Variants in CREB3L2 observed in about 807,000 individuals in gnomAD.
The protein encoded by CREB3L2 is cyclic AMP-responsive element-binding protein 3-like protein 2.
CREB3L2 carries 23 observed loss-of-function variants against 57.2 expected under a neutral mutation model. The ratio of observed to expected loss-of-function variants is 0.40; its 90% CI spans 0.29 to 0.57. The LOEUF is 0.57. Ranked by LOEUF, CREB3L2 falls within the 20% of genes least tolerant of loss-of-function variation. The pLI, the probability that CREB3L2 is intolerant of heterozygous loss-of-function variation, is 0.42. For missense variants in CREB3L2, 628 were observed against 634.7 expected, an observed-to-expected ratio of 0.99 and a Z score of 0.11; for synonymous variants, 268 against 265.1, an observed-to-expected ratio of 1.01 and a Z score of -0.11.
intron 4 of CREB3L2, among the ~76,000 whole-genome samples, chr7:137,912,125 C>T (rs1800021003): frequency 6.6e-6 from 1 of 152,050 alleles, no homozygotes; most frequent in Non-Finnish European, 1.5e-5. Flanking sequence ...GCCTGTAATC[C>T]CAGGACTTCA....
intron 1 of CREB3L2, among the ~76,000 whole-genome samples, chr7:137,932,952 G>A (rs1800686959): frequency 6.6e-6 from 1 of 152,194 alleles, no homozygotes; most frequent in African/African-American, 2.4e-5. Flanking sequence ...AAGCAGGCCC[G>A]AGATTCTGCA....
chr7:137,889,477 G>A (rs1799491751), intron 8 of CREB3L2, among the ~76,000 whole-genome samples: 1 of 152,182 alleles, frequency 6.6e-6, no homozygotes, highest in Admixed American at 6.5e-5. Context: ...TTGTTTAATA[G>A]TCCCTGATTT....
chr7:137,945,575 T>C (rs1398708027), intron 1 of CREB3L2, among the ~76,000 whole-genome samples: 1 of 152,222 alleles, frequency 6.6e-6, no homozygotes, highest in Non-Finnish European at 1.5e-5. Flanking sequence ...AGACAGACTT[T>C]TCTGCAGGGC....
intron 1 of CREB3L2, among the ~76,000 whole-genome samples, chr7:137,970,904 T>C (rs1476072268): frequency 2.0e-5 from 3 of 152,182 alleles, no homozygotes; most frequent in Non-Finnish European, 4.4e-5. Flanking sequence ...ACAGAAGAAG[T>C]GTTTATGCAG....
At chr7:137,959,952 T>A (rs1386171853) in intron 1 of CREB3L2, among the ~76,000 whole-genome samples, 1 of 152,200 alleles carries the variant, frequency 6.6e-6, no homozygotes, top group Non-Finnish European at 1.5e-5. Flanking sequence ...CTACTTTCCA[T>A]GTTCCCATTC....
chr7:137,947,887 C>T (rs1270923640), intron 1 of CREB3L2, among the ~76,000 whole-genome samples: 5 of 152,200 alleles, frequency 3.3e-5, no homozygotes, highest in Non-Finnish European at 5.9e-5. Flanking sequence ...TTCCCCTGCC[C>T]TGTCTTTACA....
chr7:137,896,349 T>C (rs759277146), intron 8 of CREB3L2, among the ~76,000 whole-genome samples: 14 of 152,224 alleles, frequency 9.2e-5, no homozygotes, highest in Non-Finnish European at 1.3e-4. Flanking sequence ...TTGCCCAGGT[T>C]AGAGTGCAAT....
chr7:137,966,120 G>A (rs965007573), intron 1 of CREB3L2, among the ~76,000 whole-genome samples: 1 of 152,168 alleles, frequency 6.6e-6, no homozygotes, highest in Admixed American at 6.5e-5. Flanking sequence ...GTTGGGAGGG[G>A]CATCAAGACA....
intron 1 of CREB3L2, among the ~76,000 whole-genome samples, chr7:137,931,836 A>T (rs1424796153): frequency 6.6e-6 from 1 of 152,246 alleles, no homozygotes; most frequent in Non-Finnish European, 1.5e-5. Context: ...TGTCTTAAAA[A>T]TAAATAAATA....
At chr7:137,921,343 C>T (rs1046347832) in intron 2 of CREB3L2, among the ~76,000 whole-genome samples, 2 of 152,196 alleles carry the variant, frequency 1.3e-5, no homozygotes, top group Non-Finnish European at 2.9e-5. Context: ...CACATTTCCT[C>T]AGCTTCACCA....
rs750056999 is a variant in CREB3L2 at position 137,885,502 on chromosome 7, C to T, written c.1044G>A (p.Arg348=). 1 of 1,612,030 alleles carries T rather than the reference C, an allele frequency of 6.2e-7. No homozygotes were observed. Among genetic ancestry groups the T allele is most frequent in the Non-Finnish European group, 8.5e-7 (1 of 1,178,134 alleles). Residue 348 remains arginine, a splice_region_variant and synonymous_variant, in exon 9 of 12, where the codon AGG becomes AGA. Transcript: ENST00000330387. ...KKVEVLENTN[R]TLLQQLQKLQ... is the part of the protein sequence containing the mutation. The stretch of plus-strand genomic sequence containing the variant: ...GCTTCTGGAGTTGCTGAAGGAGAGT[C>T]CTGCCAATGATAACAACAGCCGTGA...
intron 1 of CREB3L2, among the ~76,000 whole-genome samples, chr7:137,973,438 A>G (rs1801553390): frequency 6.6e-6 from 1 of 152,296 alleles, no homozygotes; most frequent in East Asian, 1.9e-4. Context: ...TTTGAACACA[A>G]TGGAGAGGCA....
chr7:137,885,532 A>G, intron 8 of CREB3L2, 30 bp from the exon 9 acceptor site: 1 of 1,536,540 alleles, frequency 6.5e-7, no homozygotes, highest in Non-Finnish European at 9.0e-7. Context: ...CCGTGAGGGG[A>G]GTCTGACAGA....
intron 1 of CREB3L2, among the ~76,000 whole-genome samples, chr7:137,992,788 A>T (rs1243712772): frequency 6.6e-6 from 1 of 152,206 alleles, no homozygotes; most frequent in Non-Finnish European, 1.5e-5. Flanking sequence ...GAGTTATGAG[A>T]CAATCCTGTG....
rs76941256 is a variant in CREB3L2, at chr7:137,953,500, C to G, written c.103-25134G>C. 4,611 of 1,289,110 alleles carry G rather than the reference C, an allele frequency of 3.6e-3. 82 individuals carry two copies. In the African/African-American group the frequency reaches 0.048, roughly 13 times the overall value. The allele number at this position is 1,289,110 out of a possible 1,614,324, so 79.9% of individuals were successfully genotyped here. On this transcript the variant is annotated intron_variant, in intron 1 of 11. Coordinates refer to ENST00000330387, the MANE Select transcript of CREB3L2 (RefSeq NM_194071.4). ...TTTAAAAAGCGTCAACCATCCCCAA[C>G]ACACGACTCTCCTGAAAGGGAAAGG... is the stretch of plus-strand genomic sequence containing the variant.
At chr7:137,911,107 A>T (rs538382026) in intron 4 of CREB3L2, among the ~76,000 whole-genome samples, 1 of 152,274 alleles carries the variant, frequency 6.6e-6, no homozygotes. Flanking sequence ...GATGCATTTG[A>T]TAGTAATAAC....
intron 8 of CREB3L2, among the ~76,000 whole-genome samples, chr7:137,895,549 G>A (rs74826266): frequency 0.018 from 2,726 of 147,666 alleles, 79 homozygotes; most frequent in African/African-American, 0.064. Context: ...CTACTCTCCC[G>A]GCCCTGTCCT....
At chr7:137,913,171 CG>C in intron 3 of CREB3L2, 93 bp from the exon 4 acceptor site, 2 of 1,275,798 alleles carry the variant, frequency 1.6e-6, no homozygotes, top group African/African-American at 3.0e-5. Context: ...GTCTTCCTCT[CG>C]GGACAGCCCT....
chr7:137,987,666 A>T (rs960250813), intron 1 of CREB3L2, among the ~76,000 whole-genome samples: 2 of 152,196 alleles, frequency 1.3e-5, no homozygotes, highest in Non-Finnish European at 2.9e-5. Context: ...TTTGCTGTGA[A>T]CATAAAACTG....
Sources: gnomAD v4.1 joint callset for allele counts (sites outside exome capture counted in the v4.1 genomes callset) on GRCh38, gnomAD v4.1.1 for gene constraint, MANE v1.5 for transcripts, NCBI Gene and HGNC (gene_info 2026-07-23, HGNC 2026-07-21) for gene names.